Variants in SLC13A1 observed in about 807,000 individuals in gnomAD.
The protein encoded by SLC13A1 is solute carrier family 13 member 1.
SLC13A1 carries 65 observed loss-of-function variants against 70.0 expected under a neutral mutation model. That is an observed-to-expected ratio of 0.93 (90% confidence interval 0.76 to 1.14). The LOEUF (loss-of-function observed/expected upper bound fraction) is 1.14, where lower values mean the gene tolerates loss of function less well. Among genes scored for constraint, SLC13A1 ranks in the 50% most tolerant of loss-of-function variants. SLC13A1 has a pLI of 0.00. For missense variants in SLC13A1, 726 were observed against 717.8 expected (o/e 1.01, Z -0.13); for synonymous variants, 275 against 250.5 (o/e 1.10, Z -0.92).
At chr7:123,146,467 A>G (rs899316944) in intron 7 of SLC13A1, among the ~76,000 whole-genome samples, 1 of 152,182 alleles carries the variant, frequency 6.6e-6, no homozygotes, top group Non-Finnish European at 1.5e-5. Context: ...GTGAGCTGAG[A>G]TCGCACCACT....
chr7:123,176,808 C>T (rs1795460721), intron 2 of SLC13A1, among the ~76,000 whole-genome samples: 1 of 152,090 alleles, frequency 6.6e-6, no homozygotes, highest in African/African-American at 2.4e-5. Flanking sequence ...CCTCAATAAC[C>T]TTTTCTTCTT....
At chr7:123,177,435 G>A (rs1406694688) in intron 2 of SLC13A1, among the ~76,000 whole-genome samples, 1 of 151,940 alleles carries the variant, frequency 6.6e-6, no homozygotes, top group South Asian at 2.1e-4. Context: ...ATCAAAGTTA[G>A]GTTGATCATT....
Position 123,115,475 on chromosome 7 carries a change from T to C in SLC13A1, c.*43A>G, listed in dbSNP as rs2116228545. 6.3e-7 allele frequency: 1 copy of C among 1,588,898 alleles called. No homozygotes were observed. Among genetic ancestry groups the C allele is most frequent in the Non-Finnish European group, 8.6e-7 (1 of 1,161,264 alleles). ...CACATTTTACAGTCAATCATTAATG[T>C]CTTCCAGAAATTACCGCAAGATAGT... is the stretch of plus-strand genomic sequence containing the variant. On this transcript the variant is annotated 3_prime_UTR_variant, in exon 15 of 15. Transcript: ENST00000194130.
chr7:123,129,025 G>A (rs1563320757), intron 9 of SLC13A1, 79 bp from the exon 10 acceptor site: 1 of 934,712 alleles, frequency 1.1e-6, no homozygotes, highest in Non-Finnish European at 1.7e-6. Flanking sequence ...CTATTGTCAG[G>A]AATGATCGCA....
Position 123,129,520 on chromosome 7 carries a change from T to C in SLC13A1, c.933-39A>G, listed in dbSNP as rs755888541. ...TTAAGCCTGTAAGCAAGAAATTCTT[T>C]TACTACCACCTCCCTGTAAGGAAGA... On this transcript the variant is annotated intron_variant, in intron 8 of 14. Transcript: ENST00000194130. 10 of 1,441,130 alleles carry C rather than the reference T, an allele frequency of 6.9e-6. No individual in the cohort carries two copies. The South Asian group carries it at 1.1e-4, about 16-fold the overall frequency. The allele number at this position is 1,441,130 out of a possible 1,614,324, so 89.3% of individuals were successfully genotyped here.
At chr7:123,174,467 A>C (rs1010774339) in intron 2 of SLC13A1, among the ~76,000 whole-genome samples, 5 of 152,090 alleles carry the variant, frequency 3.3e-5, no homozygotes, top group African/African-American at 1.2e-4. Context: ...TTCACTTCCA[A>C]TATAAGTCCT....
Position 123,171,845 on chromosome 7 carries a change from T to A in SLC13A1, c.288A>T (p.Ala96=). Residue 96 remains alanine, a synonymous_variant, in exon 3 of 15, where the codon GCA becomes GCT. Coordinates refer to ENST00000194130, the MANE Select transcript of SLC13A1 (RefSeq NM_022444.4). ...HLLLIGVICL[A]TSIEKWNLHK... ...GCAAATTCCATTTTTCTATGGATGTTGCTAAACAGATAACTCCAATTAGCA... is the reference window on the plus strand; with the variant it reads ...GCAAATTCCATTTTTCTATGGATGTAGCTAAACAGATAACTCCAATTAGCA... 1 of 1,613,734 alleles carries A rather than the reference T, an allele frequency of 6.2e-7. No individual in the cohort carries two copies. The highest frequency in any genetic ancestry group is 1.1e-5 in the South Asian group (1 of 91,040).
At chr7:123,186,856 T>G (rs1383856318) in intron 1 of SLC13A1, 1 of 416,486 alleles carries the variant, frequency 2.4e-6, no homozygotes. Context: ...TGTACTTTTA[T>G]CTTGTTTATT....
intron 10 of SLC13A1, among the ~76,000 whole-genome samples, chr7:123,127,669 T>C (rs1389615790): frequency 6.6e-6 from 1 of 151,990 alleles, no homozygotes; most frequent in African/African-American, 2.4e-5. Context: ...CACCACCATA[T>C]TGACTTGTGT....
intron 1 of SLC13A1, among the ~76,000 whole-genome samples, chr7:123,193,667 G>T (rs116253329): frequency 0.022 from 3,361 of 152,252 alleles, 59 homozygotes; most frequent in Non-Finnish European, 0.029. Context: ...AAGTCCTCTT[G>T]CTCCCTTTGT....
chr7:123,169,023 G>A, intron 4 of SLC13A1, 125 bp downstream of exon 4: 2 of 805,790 alleles, frequency 2.5e-6, no homozygotes. Flanking sequence ...ACTATAGAGG[G>A]AAGAAAGTTA....
chr7:123,161,950 G>A (rs1001953699), intron 6 of SLC13A1, among the ~76,000 whole-genome samples: 59 of 150,720 alleles, frequency 3.9e-4, no homozygotes, highest in Middle Eastern at 3.5e-3. Context: ...ATTTAGTCAC[G>A]TTTTATACAG....
chr7:123,148,323 A>G (rs752458184), intron 6 of SLC13A1: 266 of 329,726 alleles, frequency 8.1e-4, no homozygotes, highest in Non-Finnish European at 9.4e-4. Context: ...AGCCCTTCAA[A>G]TATCCTGGCC....
intron 1 of SLC13A1, among the ~76,000 whole-genome samples, chr7:123,192,062 TC>T (rs2116672534): frequency 6.6e-6 from 1 of 152,288 alleles, no homozygotes; most frequent in East Asian, 1.9e-4. Flanking sequence ...CTCTGTTCTC[TC>T]CTCCTTGCCT....
At chr7:123,172,133 T>G (rs1272034665) in intron 2 of SLC13A1, among the ~76,000 whole-genome samples, 1 of 152,186 alleles carries the variant, frequency 6.6e-6, no homozygotes, top group Non-Finnish European at 1.5e-5. Flanking sequence ...TCAGGGTTAT[T>G]AAATAGCTGA....
chr7:123,129,514 A>G, intron 8 of SLC13A1, 33 bp from the exon 9 acceptor site: 1 of 1,503,408 alleles, frequency 6.7e-7, no homozygotes, highest in Non-Finnish European at 9.3e-7. Context: ...TAAGCAAGAA[A>G]TTCTTTTACT....
chr7:123,147,303 C>T lies in SLC13A1; in HGVS notation c.668G>A (p.Gly223Asp), dbSNP rs755417627. 5.6e-6 allele frequency: 9 copies of T among 1,613,066 alleles called. No individual in the cohort carries two copies. Among genetic ancestry groups the T allele is most frequent in the Non-Finnish European group, 6.8e-6 (8 of 1,179,608 alleles). Residue 223 changes from glycine to aspartate, a missense_variant, in exon 7 of 15, where the codon GGC (glycine) becomes GAC (aspartate). Gly to Asp is a moderately conservative substitution (Grantham distance 94). Coordinates refer to ENST00000194130, the MANE Select transcript of SLC13A1 (RefSeq NM_022444.4). ...SSKVELEKNS[G>D]MRTKYRTKKG... Reference sequence around the variant, plus strand: ...CTTTGTTCGATATTTGGTTCTCATGCCTGAGTTCTGTTCAACAACAACAAA... The same window carrying T: ...CTTTGTTCGATATTTGGTTCTCATGTCTGAGTTCTGTTCAACAACAACAAA...
intron 1 of SLC13A1, among the ~76,000 whole-genome samples, chr7:123,184,104 G>A (rs1316403043): frequency 6.6e-6 from 1 of 152,046 alleles, no homozygotes; most frequent in African/African-American, 2.4e-5. Context: ...GGAAGACAGA[G>A]TTATTCCCCT....
chr7:123,190,557 A>C (rs963424912), intron 1 of SLC13A1: 4 of 456,712 alleles, frequency 8.8e-6, no homozygotes, highest in South Asian at 3.1e-5. Flanking sequence ...ATCTGACTGC[A>C]TCTGGCCCAT....
Sources: gnomAD v4.1 joint callset for allele counts (sites outside exome capture counted in the v4.1 genomes callset) on GRCh38, gnomAD v4.1.1 for gene constraint, MANE v1.5 for transcripts, NCBI Gene and HGNC (gene_info 2026-07-23, HGNC 2026-07-21) for gene names.